SPIRE2: variants seen among roughly 807,000 people sequenced by gnomAD.
SPIRE2 encodes the protein spire type actin nucleation factor 2, also known as protein spire homolog 2.
SPIRE2 carries 76 observed loss-of-function variants against 80.7 expected under a neutral mutation model. The ratio of observed to expected loss-of-function variants is 0.94; its 90% CI spans 0.78 to 1.14. The LOEUF (loss-of-function observed/expected upper bound fraction) is 1.14. Among genes scored for constraint, SPIRE2 ranks in the 50% most tolerant of loss-of-function variants. SPIRE2 has a pLI of 0.00. For synonymous variants in SPIRE2, 535 were observed against 432.6 expected (o/e 1.24, Z -2.94); for missense variants, 1,196 against 1,015.3 (o/e 1.18, Z -2.42).
chr16:89,849,458 T>G (rs542590650), intron 2 of SPIRE2, among the ~76,000 whole-genome samples: 1 of 152,250 alleles, frequency 6.6e-6, no homozygotes, highest in Admixed American at 6.5e-5. Context: ...GCTGTCGTTA[T>G]ATTTGTGTGT....
chr16:89,848,080 TC>T (rs1252653490), intron 2 of SPIRE2, among the ~76,000 whole-genome samples: 1 of 152,208 alleles, frequency 6.6e-6, no homozygotes, highest in African/African-American at 2.4e-5. Flanking sequence ...GAAACACATT[TC>T]CCGCTACGCT....
In SPIRE2 at chr16:89,838,381, A is replaced by G. The variant is rs565048027; in HGVS notation, c.245-6941A>G. Among the ~76,000 whole-genome samples, 12 of 152,068 alleles carry G rather than the reference A, an allele frequency of 7.9e-5. No homozygotes were observed. In the South Asian group the frequency reaches 2.3e-3, roughly 29 times the overall value. The stretch of plus-strand genomic sequence containing the variant: ...TATTTTTTAGTAGAGATGGGGTTTC[A>G]CCATGTTGGCCAGGCTGGTCTTGAA... On this transcript the variant is annotated intron_variant, in intron 1 of 14. Transcript: ENST00000378247.
intron 12 of SPIRE2, among the ~76,000 whole-genome samples, chr16:89,865,558 G>A (rs537589263): frequency 6.6e-6 from 1 of 152,236 alleles, no homozygotes; most frequent in East Asian, 1.9e-4. Flanking sequence ...AAACAAATGA[G>A]TCAAAAACAA....
At chr16:89,849,844 C>CT (rs543922121) in intron 2 of SPIRE2, 18,351 of 242,962 alleles carry the variant, frequency 0.076, 486 homozygotes, top group East Asian at 0.22. Flanking sequence ...AAAAAAACTT[C>CT]TTTTTTTTTT....
chr16:89,860,923 C>CT (rs1294730383), intron 10 of SPIRE2, 128 bp downstream of exon 10: 1 of 586,356 alleles, frequency 1.7e-6, no homozygotes, highest in Non-Finnish European at 2.8e-6. Context: ...GAGCGTCCGT[C>CT]TGGGGGGGCG....
Position 89,863,620 on chromosome 16 carries a change from C to A in SPIRE2, c.1710+10C>A. ...TCTGAAGAAGGGGAAGGTGAGGCTG[C>A]CTAGACGTGGGGCTACGCTCTTGCC... On this transcript the variant is annotated intron_variant, in intron 11 of 14. Coordinates refer to ENST00000378247, the MANE Select transcript of SPIRE2 (RefSeq NM_032451.2). This position sits in a 1 kb window ranked among gnomAD's most constrained non-coding sequence, Gnocchi z 4.3. The A allele has an allele frequency of 6.2e-7, 1 of 1,614,044 alleles. No homozygotes were observed. The highest frequency in any genetic ancestry group is 8.5e-7 in the Non-Finnish European group (1 of 1,180,034).
At chr16:89,849,994 C>A in intron 2 of SPIRE2, 1 of 442,294 alleles carries the variant, frequency 2.3e-6, no homozygotes, top group East Asian at 4.9e-5. Context: ...TGCACCACCA[C>A]GCCCAGCTAA....
chr16:89,855,597 C>T lies in SPIRE2; in HGVS notation c.892-3C>T, dbSNP rs1244352300. On this transcript the variant is annotated splice_region_variant and splice_polypyrimidine_tract_variant and intron_variant, in intron 5 of 14. Transcript: ENST00000378247. ...GGCCTCAGATCAGCCGTCCTCCCCG[C>T]AGGTGGATGGGGACATCCCGCCCCG... The T allele has an allele frequency of 6.2e-7, 1 of 1,612,308 alleles. No individual in the cohort carries two copies. Among genetic ancestry groups the T allele is most frequent in the Admixed American group, 1.7e-5 (1 of 59,968 alleles).
At chr16:89,843,638 G>A (rs1034089147) in intron 1 of SPIRE2, among the ~76,000 whole-genome samples, 14 of 132,188 alleles carry the variant, frequency 1.1e-4, no homozygotes, top group East Asian at 4.9e-4. Flanking sequence ...GATGTGCCTC[G>A]ATGGATGGAG....
At chr16:89,849,062 G>A (rs545409326) in intron 2 of SPIRE2, among the ~76,000 whole-genome samples, 139 of 152,378 alleles carry the variant, frequency 9.1e-4, no homozygotes, top group African/African-American at 3.2e-3. Context: ...GTCCTGGCCT[G>A]ACTTTCACCT....
intron 1 of SPIRE2, among the ~76,000 whole-genome samples, chr16:89,841,885 T>A (rs774463451): frequency 4.6e-5 from 7 of 151,816 alleles, no homozygotes; most frequent in Non-Finnish European, 7.4e-5. Context: ...TGCGCCACCA[T>A]GCCCGGCTAA....
Position 89,871,172 on chromosome 16 carries a change from C to T in SPIRE2, c.*900C>T, listed in dbSNP as rs1358153502. On this transcript the variant is annotated 3_prime_UTR_variant, in exon 15 of 15. Coordinates refer to ENST00000378247, the MANE Select transcript of SPIRE2 (RefSeq NM_032451.2). ...TCCAAACCACATGTGTCCTGCCTCT[C>T]CTGGCCCTACCACATTCTGGTGCTG... 2 of 152,538 alleles carry T rather than the reference C, an allele frequency of 1.3e-5. No homozygotes were observed. Among genetic ancestry groups the T allele is most frequent in the Non-Finnish European group, 2.9e-5 (2 of 68,308 alleles). The allele number at this position is 152,538 out of a possible 1,614,324, so 9.4% of individuals were successfully genotyped here.
In SPIRE2 at chr16:89,855,594, C is replaced by A. The variant is rs932678159; in HGVS notation, c.892-6C>A. The A allele has an allele frequency of 1.9e-6, 3 of 1,612,188 alleles. No homozygotes were observed. In the African/African-American group the frequency reaches 4.0e-5, roughly 22 times the overall value. On this transcript the variant is annotated splice_region_variant and splice_polypyrimidine_tract_variant and intron_variant, in intron 5 of 14. Coordinates refer to ENST00000378247, the MANE Select transcript of SPIRE2 (RefSeq NM_032451.2). The stretch of plus-strand genomic sequence containing the variant: ...CAGGGCCTCAGATCAGCCGTCCTCC[C>A]CGCAGGTGGATGGGGACATCCCGCC...
At chr16:89,851,664 G>T (rs1048623965) in intron 3 of SPIRE2, among the ~76,000 whole-genome samples, 1 of 152,114 alleles carries the variant, frequency 6.6e-6, no homozygotes, top group East Asian at 1.9e-4. Context: ...CCCTGGGCAC[G>T]GCTGCTGCCC....
intron 2 of SPIRE2, chr16:89,849,983 G>T (rs12932219): frequency 2.4e-6 from 1 of 415,736 alleles, no homozygotes; most frequent in Admixed American, 3.4e-5. Flanking sequence ...GATTTCAGGC[G>T]TGCACCACCA....
intron 1 of SPIRE2, among the ~76,000 whole-genome samples, chr16:89,837,770 C>G (rs541607494): frequency 5.3e-5 from 8 of 152,174 alleles, no homozygotes; most frequent in African/African-American, 1.9e-4. Context: ...GAGGACGCCC[C>G]GTGCGGGGGG....
chr16:89,862,307 C>G (rs1466275698), intron 10 of SPIRE2: 1 of 152,440 alleles, frequency 6.6e-6, no homozygotes, highest in African/African-American at 2.4e-5. Flanking sequence ...TTCGGCCTCC[C>G]AAAGTGCTGG....
intron 1 of SPIRE2, among the ~76,000 whole-genome samples, chr16:89,835,586 A>G (rs899237395): frequency 2.0e-5 from 3 of 152,158 alleles, no homozygotes; most frequent in African/African-American, 7.2e-5. Context: ...AAGCAAACAT[A>G]TCAGTGGGTC....
At chr16:89,869,054 AT>A (rs1244036731) in intron 13 of SPIRE2, among the ~76,000 whole-genome samples, 519 of 48,348 alleles carry the variant, frequency 0.011, 21 homozygotes, top group African/African-American at 0.048. Context: ...AAAAAAAAAA[AT>A]ATATATATAT....
Sources: allele counts gnomAD v4.1 joint callset (sites outside exome capture counted in the v4.1 genomes callset), GRCh38; gene constraint gnomAD v4.1.1; non-coding constraint Gnocchi (gnomAD v3.1); transcripts MANE v1.5; gene names NCBI Gene and HGNC (gene_info 2026-07-23, HGNC 2026-07-21).